Variants in MID1 observed in about 807,000 individuals in gnomAD.
MID1 encodes the protein E3 ubiquitin-protein ligase Midline-1.
In MID1, 7 loss-of-function variants were observed where a neutral mutation model predicts 40.4. The ratio of observed to expected loss-of-function variants is 0.17; its 90% CI spans 0.10 to 0.33. The LOEUF (loss-of-function observed/expected upper bound fraction) is 0.33. Among genes scored for constraint, MID1 ranks in the 10% least tolerant of loss-of-function variants. The probability of loss-of-function intolerance (pLI) is 1.00; values close to 1 mark genes in which losing one functional copy is unlikely to be tolerated. For missense variants in MID1, 367 were observed against 558.5 expected (o/e 0.66, Z 3.46); for synonymous variants, 229 against 221.2 (o/e 1.04, Z -0.31).
At chrX:10,470,305 T>C (rs1929628852) in intron 6 of MID1, among the ~76,000 whole-genome samples, 1 of 111,861 alleles carries the variant, frequency 8.9e-6, no homozygotes, top group African/African-American at 3.2e-5. Flanking sequence ...TCACAACTTA[T>C]ACATGTGGGC....
chrX:10,542,862 GA>G (rs968090153), intron 2 of MID1, among the ~76,000 whole-genome samples: 2 of 111,911 alleles, frequency 1.8e-5, no homozygotes, highest in Admixed American at 9.5e-5. Context: ...TATTTTGGAT[GA>G]AAAAAAGAAT....
chrX:10,795,578 T>A (rs1197330890), intron 1 of MID1, among the ~76,000 whole-genome samples: 1 of 112,324 alleles, frequency 8.9e-6, no homozygotes, highest in Non-Finnish European at 1.9e-5. Flanking sequence ...TTATTTTCAG[T>A]TGGTGGAGCA....
At chrX:10,651,202 A>T (rs1406975768) in intron 1 of MID1, among the ~76,000 whole-genome samples, 2 of 111,822 alleles carry the variant, frequency 1.8e-5, no homozygotes, top group Non-Finnish European at 3.8e-5. Context: ...AACAGAGAAT[A>T]TGTGGAAGAG....
At chrX:10,552,833 C>T (rs1267687312) in intron 2 of MID1, among the ~76,000 whole-genome samples, 4 of 111,934 alleles carry the variant, frequency 3.6e-5, no homozygotes, top group Non-Finnish European at 1.9e-5. Context: ...ATTATTACCT[C>T]TGTTTTACTG....
At position 10,567,137 on chromosome X, in the gene MID1, A is replaced by G. The variant is rs768954838; in HGVS notation, c.411T>C (p.Cys137=). ...GGCACTCGTCACAGTAGGATACTTCACAAGTGACACAGGTCTTCACAGCGT... is the reference window on the plus strand; with the variant it reads ...GGCACTCGTCACAGTAGGATACTTCGCAAGTGACACAGGTCTTCACAGCGT... ...AQDAVKTCVT[C]EVSYCDECLK... is the part of the protein sequence containing the mutation. Residue 137 remains cysteine, a synonymous_variant, in exon 2 of 10, where the codon TGT becomes TGC. Transcript: ENST00000317552. The G allele has an allele frequency of 1.7e-5, 21 of 1,211,228 alleles. No individual in the cohort carries two copies. The Admixed American group carries it at 4.6e-4, about 26-fold the overall frequency.
At chrX:10,668,945 C>T (rs1436323161) in intron 1 of MID1, among the ~76,000 whole-genome samples, 2 of 111,528 alleles carry the variant, frequency 1.8e-5, no homozygotes, top group Non-Finnish European at 3.8e-5. Flanking sequence ...CACGGCCGGG[C>T]GCGGTGGCTC....
intron 1 of MID1, among the ~76,000 whole-genome samples, chrX:10,811,268 T>C (rs1354935919): frequency 8.9e-6 from 1 of 112,225 alleles, no homozygotes; most frequent in African/African-American, 3.2e-5. Context: ...CTGAGTGCAG[T>C]TCGGGTTGCT....
In MID1 at chrX:10,488,857, C is replaced by T. The variant is rs1424958535; in HGVS notation, c.865-6229G>A. On this transcript the variant is annotated intron_variant, in intron 4 of 9. Coordinates refer to ENST00000317552, the MANE Select transcript of MID1 (RefSeq NM_000381.4). ...CTGGATGCTTCCTGCCCTCGAACAT[C>T]GGACTCCAAGTTCTTCAGTTTTGAG... Among the ~76,000 whole-genome samples the T allele has an allele frequency of 4.5e-5, 5 of 111,560 alleles. No individual in the cohort carries two copies. The South Asian group carries it at 1.5e-3, about 34-fold the overall frequency.
intron 1 of MID1, among the ~76,000 whole-genome samples, chrX:10,719,436 T>A (rs1311816554): frequency 2.7e-5 from 3 of 110,889 alleles, no homozygotes; most frequent in African/African-American, 9.9e-5. Context: ...ATGAGTGAAC[T>A]CCCATTCACA....
chrX:10,762,976 CAAATGATTTTGCCAAGA>C (rs1379923781), intron 1 of MID1, among the ~76,000 whole-genome samples: 1 of 111,402 alleles, frequency 9.0e-6, no homozygotes, highest in Non-Finnish European at 1.9e-5. Flanking sequence ...ATAGGCTTGT[CAAATGATTTTGCCAAGA>C]GTGGGCAAAC....
intron 1 of MID1, among the ~76,000 whole-genome samples, chrX:10,702,764 A>T (rs2043200470): frequency 8.9e-6 from 1 of 112,414 alleles, no homozygotes; most frequent in Non-Finnish European, 1.9e-5. Context: ...CCAAATTCGT[A>T]TGTTGAAGCC....
chrX:10,590,804 G>C (rs1935278688), intron 1 of MID1, among the ~76,000 whole-genome samples: 1 of 112,060 alleles, frequency 8.9e-6, no homozygotes. Flanking sequence ...TGAGTTTGGA[G>C]TTAATATCAA....
chrX:10,810,488 A>G (rs576550565), intron 1 of MID1, among the ~76,000 whole-genome samples: 1 of 112,023 alleles, frequency 8.9e-6, no homozygotes, highest in Non-Finnish European at 1.9e-5. Flanking sequence ...ACTGGTGTAC[A>G]AGTGTATGTT....
At chrX:10,810,409 C>A (rs1287383623) in intron 1 of MID1, among the ~76,000 whole-genome samples, 1 of 111,455 alleles carries the variant, frequency 9.0e-6, no homozygotes, top group Non-Finnish European at 1.9e-5. Flanking sequence ...TTTATTTATC[C>A]ATTTATATGT....
intron 1 of MID1, among the ~76,000 whole-genome samples, chrX:10,768,182 T>C (rs1602566117): frequency 9.0e-6 from 1 of 111,095 alleles, no homozygotes; most frequent in East Asian, 2.8e-4. Context: ...ATTATTAATA[T>C]AAGCAGAAAA....
intron 1 of MID1, among the ~76,000 whole-genome samples, chrX:10,779,920 T>C (rs983527759): frequency 1.9e-4 from 21 of 110,360 alleles, no homozygotes; most frequent in Admixed American, 4.8e-4. Flanking sequence ...GAAGCCTCAA[T>C]TTTAAGAGCA....
intron 2 of MID1, among the ~76,000 whole-genome samples, chrX:10,552,732 C>T (rs1347971518): frequency 2.7e-5 from 3 of 111,144 alleles, no homozygotes; most frequent in Non-Finnish European, 3.8e-5. Context: ...AAGATAGAGG[C>T]ATTCAAGGAA....
intron 1 of MID1, among the ~76,000 whole-genome samples, chrX:10,813,681 T>G (rs1349409814): frequency 9.0e-6 from 1 of 111,475 alleles, no homozygotes; most frequent in Admixed American, 9.6e-5. Flanking sequence ...TTCAGGCAGT[T>G]GTACTCAGGG....
intron 1 of MID1, among the ~76,000 whole-genome samples, chrX:10,742,772 T>C (rs926932880): frequency 2.7e-5 from 3 of 112,319 alleles, no homozygotes; most frequent in Admixed American, 9.4e-5. Context: ...AATTGGTTGA[T>C]TTTGGCAGTC....
Sources: gnomAD v4.1 joint callset for allele counts (sites outside exome capture counted in the v4.1 genomes callset) on GRCh38, gnomAD v4.1.1 for gene constraint, MANE v1.5 for transcripts, NCBI Gene and HGNC (gene_info 2026-07-23, HGNC 2026-07-21) for gene names.